Variants in RIMBP2 observed in about 807,000 individuals in gnomAD.
RIMBP2 encodes RIMS binding protein 2, also known as RIMS-binding protein 2.
RIMBP2 carries 48 observed loss-of-function variants against 118.6 expected under a neutral mutation model. That is an observed-to-expected ratio of 0.40 (90% CI 0.32 to 0.51). RIMBP2 has a LOEUF of 0.51. RIMBP2 is among the 20% of genes least tolerant of loss of function. The probability of loss-of-function intolerance (pLI) is 0.41; values close to 1 mark genes in which losing one functional copy is unlikely to be tolerated. For missense variants in RIMBP2, 1,551 were observed against 1,768.3 expected (o/e 0.88, Z 2.20); for synonymous variants, 762 against 742.9 (o/e 1.03, Z -0.42).
At chr12:130,596,254 G>T (rs773483129) in intron 2 of RIMBP2, among the ~76,000 whole-genome samples, 3 of 152,144 alleles carry the variant, frequency 2.0e-5, no homozygotes, top group Non-Finnish European at 4.4e-5. Context: ...GGAAGCCATG[G>T]GTGATAATGC....
chr12:130,580,075 G>T (rs904630247), intron 2 of RIMBP2, among the ~76,000 whole-genome samples: 1 of 149,708 alleles, frequency 6.7e-6, no homozygotes, highest in Non-Finnish European at 1.5e-5. Context: ...GCAGGTGCCT[G>T]TAATCCCAGC....
At chr12:130,526,291 C>T (rs886552887) in intron 2 of RIMBP2, among the ~76,000 whole-genome samples, 3 of 152,088 alleles carry the variant, frequency 2.0e-5, no homozygotes, top group African/African-American at 7.2e-5. Context: ...CCTCCTGTGC[C>T]GGCCTGAAGA....
At chr12:130,524,317 C>G (rs1372055483) in intron 2 of RIMBP2, among the ~76,000 whole-genome samples, 1 of 149,768 alleles carries the variant, frequency 6.7e-6, no homozygotes, top group Non-Finnish European at 1.5e-5. Flanking sequence ...GAGGCATGAG[C>G]CAGGCCAGAT....
At chr12:130,436,368 T>C (rs1450030136) in intron 13 of RIMBP2, among the ~76,000 whole-genome samples, 3 of 152,130 alleles carry the variant, frequency 2.0e-5, no homozygotes, top group African/African-American at 7.2e-5. Flanking sequence ...TGAGGGTGCA[T>C]ACAGATACGT....
chr12:130,486,459 C>G (rs912387861), intron 4 of RIMBP2, among the ~76,000 whole-genome samples: 1 of 151,888 alleles, frequency 6.6e-6, no homozygotes, highest in Non-Finnish European at 1.5e-5. Flanking sequence ...CCTTCATCCC[C>G]GTCCCCCGCC....
chr12:130,615,252 A>G (rs1300357024), intron 2 of RIMBP2, among the ~76,000 whole-genome samples: 1 of 115,576 alleles, frequency 8.7e-6, no homozygotes, highest in African/African-American at 3.1e-5. Flanking sequence ...ACACATAATT[A>G]TGTATATATA....
Position 130,447,150 on chromosome 12 carries a change from G to A in RIMBP2, c.582-1881C>T, listed in dbSNP as rs1030804435. Reference sequence around the variant, plus strand: ...GCCTTCAGGAGTGCCCACACCTGACGCTCAGGAAGAGAAGCTTCCCCAGGG... The same window carrying A: ...GCCTTCAGGAGTGCCCACACCTGACACTCAGGAAGAGAAGCTTCCCCAGGG... On this transcript the variant is annotated intron_variant, in intron 9 of 22. Transcript: ENST00000690449. This position sits in a 1 kb window ranked among gnomAD's most constrained non-coding sequence, Gnocchi z 4.4. 1.3e-5 allele frequency among the ~76,000 whole-genome samples: 2 copies of A among 151,918 alleles called. No homozygotes were observed. Among genetic ancestry groups the A allele is most frequent in the African/African-American group, 4.8e-5 (2 of 41,356 alleles).
In RIMBP2 at chr12:130,396,905, A is replaced by G. The variant is rs2074115329; in HGVS notation, c.*456T>C. ...TATTAGACAGTACAAATCATTGTGC[A>G]TTTATAAGGCAGAACATCAAGGCGA... On this transcript the variant is annotated 3_prime_UTR_variant, in exon 23 of 23. Transcript: ENST00000690449. 2 of 152,630 alleles carry G rather than the reference A, an allele frequency of 1.3e-5. No individual in the cohort carries two copies. The highest frequency in any genetic ancestry group is 4.1e-4 in the South Asian group (2 of 4,838). 9.5% of individuals were successfully genotyped at this position (152,630 alleles called of 1,614,324 possible).
chr12:130,551,620 A>C (rs1443378150), intron 2 of RIMBP2, among the ~76,000 whole-genome samples: 2 of 152,104 alleles, frequency 1.3e-5, no homozygotes, highest in East Asian at 3.9e-4. Flanking sequence ...GGGTGTTGTC[A>C]TGCCTATAAT....
chr12:130,489,841 C>A (rs2048457218), intron 4 of RIMBP2, among the ~76,000 whole-genome samples: 1 of 152,156 alleles, frequency 6.6e-6, no homozygotes, highest in Non-Finnish European at 1.5e-5. Context: ...ACATTTCTAT[C>A]ACTCTTTCAA....
chr12:130,608,421 T>C (rs992476445), intron 2 of RIMBP2, among the ~76,000 whole-genome samples: 6 of 152,242 alleles, frequency 3.9e-5, no homozygotes, highest in Non-Finnish European at 5.9e-5. Flanking sequence ...TTTCAAGTTC[T>C]CAGGGCCAAA....
At chr12:130,456,069 G>A (rs1326466270) in intron 7 of RIMBP2, among the ~76,000 whole-genome samples, 2 of 152,182 alleles carry the variant, frequency 1.3e-5, no homozygotes, top group African/African-American at 4.8e-5. Context: ...TGAGAAGGAA[G>A]GAAAAACAAC....
chr12:130,418,926 G>C (rs1456696482), intron 17 of RIMBP2, among the ~76,000 whole-genome samples: 2 of 152,196 alleles, frequency 1.3e-5, no homozygotes, highest in African/African-American at 2.4e-5. Flanking sequence ...CCCAACGAAG[G>C]CTCCTTCCAG....
chr12:130,642,473 C>T (rs535255297), intron 1 of RIMBP2, among the ~76,000 whole-genome samples: 45 of 152,148 alleles, frequency 3.0e-4, no homozygotes, highest in African/African-American at 1.1e-3. Flanking sequence ...TTAGTGGAGA[C>T]GGGGTGTCGC....
Position 130,442,284 on chromosome 12 carries a change from C to T in RIMBP2, c.1068G>A (p.Glu356=). ...TCCCCAGCGTGAGGTTCATGCGTGT[C>T]TCCTTGTCCACCAGGACGTTGTAGC... The part of the protein sequence containing the change: ...VSSYNVLVDK[E]TRMNLTLGSR... Residue 356 remains glutamate (E), a synonymous_variant, in exon 11 of 23, where the codon GAG becomes GAA. Coordinates refer to ENST00000690449, the MANE Select transcript of RIMBP2 (RefSeq NM_001393629.1). This position sits in a 1 kb window ranked among gnomAD's most constrained non-coding sequence, Gnocchi z 6.9. The T allele has an allele frequency of 6.2e-7, 1 of 1,614,260 alleles. No homozygotes were observed. The highest frequency in any genetic ancestry group is 2.2e-5 in the East Asian group (1 of 44,882).
chr12:130,610,090 T>A (rs545200257), intron 2 of RIMBP2, among the ~76,000 whole-genome samples: 1 of 152,176 alleles, frequency 6.6e-6, no homozygotes, highest in Non-Finnish European at 1.5e-5. Flanking sequence ...AAGTCAACCA[T>A]CACGGGGGGA....
intron 1 of RIMBP2, among the ~76,000 whole-genome samples, chr12:130,632,058 C>T (rs544972212): frequency 6.6e-6 from 1 of 152,336 alleles, no homozygotes; most frequent in Admixed American, 6.5e-5. Context: ...AAAATCTATA[C>T]ATCTCCTAAA....
chr12:130,526,682 G>A (rs746421975), intron 2 of RIMBP2, among the ~76,000 whole-genome samples: 6 of 151,998 alleles, frequency 3.9e-5, no homozygotes, highest in Non-Finnish European at 5.9e-5. Context: ...ATTACATTAT[G>A]AATTATAAAT....
At chr12:130,545,508 T>C (rs2055038069) in intron 2 of RIMBP2, among the ~76,000 whole-genome samples, 3 of 152,282 alleles carry the variant, frequency 2.0e-5, no homozygotes, top group Admixed American at 1.3e-4. Context: ...ACATACATTA[T>C]TCAAGTTCAT....
Sources: allele counts gnomAD v4.1 joint callset (sites outside exome capture counted in the v4.1 genomes callset), GRCh38; gene constraint gnomAD v4.1.1; non-coding constraint Gnocchi (gnomAD v3.1); transcripts MANE v1.5; gene names NCBI Gene and HGNC (gene_info 2026-07-23, HGNC 2026-07-21).